ERGIC2: variants seen among roughly 807,000 people sequenced by gnomAD.
ERGIC2 encodes the protein endoplasmic reticulum-Golgi intermediate compartment protein 2.
In ERGIC2, 31 loss-of-function variants were observed where a neutral mutation model predicts 52.5. The observed-to-expected ratio is 0.59, with a 90% confidence interval of 0.44 to 0.80. The LOEUF (loss-of-function observed/expected upper bound fraction) is 0.80, where lower values mean the gene tolerates loss of function less well. Among genes scored for constraint, ERGIC2 ranks in the 30% least tolerant of loss-of-function variants. The probability of loss-of-function intolerance (pLI) is 0.00; values close to 1 mark genes in which losing one functional copy is unlikely to be tolerated. For missense variants in ERGIC2, 395 were observed against 455.2 expected, an observed-to-expected ratio of 0.87 and a Z score of 1.20; for synonymous variants, 129 against 140.6, an observed-to-expected ratio of 0.92 and a Z score of 0.58.
Position 29,342,555 on chromosome 12 carries a change from A to T in ERGIC2, c.988+565T>A, listed in dbSNP as rs1257977842. 2.6e-5 allele frequency among the ~76,000 whole-genome samples: 4 copies of T among 152,314 alleles called. No individual in the cohort carries two copies. The East Asian group carries it at 7.7e-4, about 29-fold the overall frequency. ...TTTTTCTCTATTGTACTTAACTCCC[A>T]ATTTTCATCATTACAATTCGACAAA... On this transcript the variant is annotated intron_variant, in intron 12 of 13. Coordinates refer to ENST00000360150, the MANE Select transcript of ERGIC2 (RefSeq NM_016570.3).
Position 29,361,667 on chromosome 12 carries a change from G to A in ERGIC2, c.352C>T (p.Pro118Ser), listed in dbSNP as rs764998588. ...TACCTCTGCCACTCTTTCTGCTGTG[G>A]TGAAAGATCAAATACTGTCTGAAAT... Reference protein sequence around the residue: ...VYEPTVFDLSPQQKEWQRMLQ... With the variant: ...VYEPTVFDLSSQQKEWQRMLQ... The change falls in exon 6 of 14, where the codon CCA becomes TCA. Residue 118 changes from proline (P) to serine (S), a missense_variant. Physicochemically the swap from Pro to Ser is moderately conservative, Grantham distance 74. Coordinates refer to ENST00000360150, the MANE Select transcript of ERGIC2 (RefSeq NM_016570.3). The A allele has an allele frequency of 4.4e-6, 7 of 1,605,512 alleles. No homozygotes were observed. The highest frequency in any genetic ancestry group is 6.0e-6 in the Non-Finnish European group (7 of 1,175,822).
In ERGIC2 at chr12:29,341,135, T is replaced by C. The variant is rs1949836801; in HGVS notation, c.*21A>G. ...GTTTTATGTCTCAGGCAAAAAGTTT[T>C]TCTCCTTCAATCGGGAGGTGTTAAT... On this transcript the variant is annotated 3_prime_UTR_variant, in exon 14 of 14. Transcript: ENST00000360150. 1 of 1,580,638 alleles carries C rather than the reference T, an allele frequency of 6.3e-7. No individual in the cohort carries two copies. Among genetic ancestry groups the C allele is most frequent in the Admixed American group, 1.7e-5 (1 of 58,286 alleles).
chr12:29,370,328 T>C, intron 2 of ERGIC2, 106 bp from the exon 3 acceptor site: 1 of 1,256,710 alleles, frequency 8.0e-7, no homozygotes, highest in Non-Finnish European at 1.0e-6. Flanking sequence ...AAAAGCCTAA[T>C]AATGTAACTT....
In ERGIC2 at chr12:29,367,174, C is replaced by T. The variant is rs142045256; in HGVS notation, c.263-227G>A. On this transcript the variant is annotated intron_variant, in intron 4 of 13. Transcript: ENST00000360150. ...CAAAATGTAATAATGTTTTTTCTTA[C>T]CCAGTAAAAAACTTCTTACCCAATA... is the stretch of plus-strand genomic sequence containing the variant. 3.1e-3 allele frequency among the ~76,000 whole-genome samples: 458 copies of T among 148,776 alleles called. 2 individuals are homozygous for T. Among genetic ancestry groups the T allele is most frequent in the African/African-American group, 0.011 (445 of 39,600 alleles).
At chr12:29,357,917 GT>G (rs1940231425) in intron 6 of ERGIC2, among the ~76,000 whole-genome samples, 193 bp from the exon 7 acceptor site, 1 of 152,162 alleles carries the variant, frequency 6.6e-6, no homozygotes, top group Non-Finnish European at 1.5e-5. Flanking sequence ...TGGCTAAGAG[GT>G]CTAATAGCTG....
At chr12:29,344,421 T>C (rs1940013680) in intron 11 of ERGIC2, among the ~76,000 whole-genome samples, 2 of 152,206 alleles carry the variant, frequency 1.3e-5, no homozygotes, top group Non-Finnish European at 2.9e-5. Context: ...ACTGTATGTA[T>C]TGCCTTGAGG....
intron 6 of ERGIC2, among the ~76,000 whole-genome samples, chr12:29,358,052 T>C (rs959630941): frequency 2.0e-5 from 3 of 152,182 alleles, no homozygotes; most frequent in African/African-American, 2.4e-5. Context: ...TTAACAAAAT[T>C]CTTATCTTTG....
intron 8 of ERGIC2, among the ~76,000 whole-genome samples, chr12:29,356,049 GT>G: frequency 6.6e-6 from 1 of 151,538 alleles, no homozygotes; most frequent in East Asian, 1.9e-4. Flanking sequence ...TGGATACAGA[GT>G]TTTGCTCATC....
At chr12:29,355,810 G>A (rs959589988) in intron 8 of ERGIC2, among the ~76,000 whole-genome samples, 2 of 152,110 alleles carry the variant, frequency 1.3e-5, no homozygotes, top group African/African-American at 4.8e-5. Flanking sequence ...GTAGAAGGCT[G>A]TAATTGATAT....
At chr12:29,360,671 T>C (rs1460609072) in intron 6 of ERGIC2, among the ~76,000 whole-genome samples, 10 of 148,632 alleles carry the variant, frequency 6.7e-5, no homozygotes, top group Non-Finnish European at 1.2e-4. Flanking sequence ...TACACAGAAA[T>C]ATATATAATA....
chr12:29,354,774 T>C (rs1028086361), intron 8 of ERGIC2, among the ~76,000 whole-genome samples: 1 of 152,172 alleles, frequency 6.6e-6, no homozygotes, highest in Non-Finnish European at 1.5e-5. Flanking sequence ...GGACATAATA[T>C]AGAGTCTGAT....
chr12:29,352,523 C>A lies in ERGIC2; in HGVS notation c.573-2455G>T, dbSNP rs530006333. ...ACTAAAAATACAAAAATTAGCCGGG[C>A]GTGGTGGTGGGCTACCTGTAATCCC... On this transcript the variant is annotated intron_variant, in intron 8 of 13. Coordinates refer to ENST00000360150, the MANE Select transcript of ERGIC2 (RefSeq NM_016570.3). 2.6e-5 allele frequency among the ~76,000 whole-genome samples: 4 copies of A among 151,962 alleles called. No homozygotes were observed. In the South Asian group the frequency reaches 6.2e-4, roughly 24 times the overall value.
rs555932270 is a variant in ERGIC2 at position 29,347,337 on chromosome 12, T to C, written c.727+1742A>G. Among the ~76,000 whole-genome samples the C allele has an allele frequency of 2.6e-5, 4 of 152,338 alleles. 1 individual carries two copies. Among genetic ancestry groups the C allele is most frequent in the African/African-American group, 9.6e-5 (4 of 41,586 alleles). On this transcript the variant is annotated intron_variant, in intron 10 of 13. Transcript: ENST00000360150. Reference sequence around the variant, plus strand: ...GGGTAGGAGGAGTATGGAGTTAGGTTGTCCAGTTTGTGGCAGCACATATAG... The same window carrying C: ...GGGTAGGAGGAGTATGGAGTTAGGTCGTCCAGTTTGTGGCAGCACATATAG...
At chr12:29,347,800 T>C (rs1280483219) in intron 10 of ERGIC2, among the ~76,000 whole-genome samples, 2 of 152,168 alleles carry the variant, frequency 1.3e-5, no homozygotes, top group East Asian at 1.9e-4. Context: ...CAAACTGCTT[T>C]AAAGCTTTGA....
In ERGIC2 at chr12:29,349,972, T is replaced by A. The variant is rs560615928; in HGVS notation, c.628+41A>T. On this transcript the variant is annotated intron_variant, in intron 9 of 13. Coordinates refer to ENST00000360150, the MANE Select transcript of ERGIC2 (RefSeq NM_016570.3). ...CTGCACTTTTAAAAATAATATTTTT[T>A]CAAGTACATCTTTACTGAAAAAAAG... The A allele has an allele frequency of 3.7e-5, 48 of 1,297,646 alleles. No homozygotes were observed. The African/African-American group carries it at 5.6e-4, about 15-fold the overall frequency. The allele number at this position is 1,297,646 out of a possible 1,614,324, so 80.4% of individuals were successfully genotyped here.
At position 29,339,248 on chromosome 12, in the gene ERGIC2, A is replaced by C. The variant is rs1341006462; in HGVS notation, c.*1908T>G. On this transcript the variant is annotated 3_prime_UTR_variant, in exon 14 of 14. Transcript: ENST00000360150. Reference sequence around the variant, plus strand: ...TATTTGGAAAATACGAAAACAATTAAAAATCATATATAAGTATCAAAATAA... The same window carrying C: ...TATTTGGAAAATACGAAAACAATTACAAATCATATATAAGTATCAAAATAA... 6.6e-6 allele frequency: 1 copy of C among 152,212 alleles called. No homozygotes were observed. The allele number at this position is 152,212 out of a possible 1,614,324, so 9.4% of individuals were successfully genotyped here.
chr12:29,342,494 T>C (rs1441944362), intron 12 of ERGIC2, among the ~76,000 whole-genome samples: 1 of 152,246 alleles, frequency 6.6e-6, no homozygotes, highest in Non-Finnish European at 1.5e-5. Context: ...CATCTAATAC[T>C]GAATAAGGAC....
intron 8 of ERGIC2, among the ~76,000 whole-genome samples, chr12:29,351,665 A>G (rs761879006): frequency 1.3e-5 from 2 of 152,168 alleles, no homozygotes; most frequent in Non-Finnish European, 2.9e-5. Context: ...GATTGTCTAA[A>G]GCAAATTTAT....
At position 29,338,239 on chromosome 12, in the gene ERGIC2, TAA is replaced by T. The variant is rs1204465419; in HGVS notation, c.*2915_*2916del. The T allele has an allele frequency of 5.3e-5, 8 of 152,004 alleles. No individual in the cohort carries two copies. The highest frequency in any genetic ancestry group is 5.9e-5 in the Non-Finnish European group (4 of 68,002). The allele number at this position is 152,004 out of a possible 1,614,324, so 9.4% of individuals were successfully genotyped here. The stretch of plus-strand genomic sequence containing the variant: ...ATGAATTCCAAAATTAAGATTGTAT[TAA>T]AGACTGTAAATCTTGTTTGCATTAG... On this transcript the variant is annotated 3_prime_UTR_variant, in exon 14 of 14. Transcript: ENST00000360150.
Sources: gnomAD v4.1 joint callset for allele counts (sites outside exome capture counted in the v4.1 genomes callset) on GRCh38, gnomAD v4.1.1 for gene constraint, MANE v1.5 for transcripts, NCBI Gene and HGNC (gene_info 2026-07-23, HGNC 2026-07-21) for gene names.